The following XXYLT1 variants were observed in gnomAD, a reference collection of about 807,000 sequenced individuals.
The protein encoded by XXYLT1 is UDP-xylose:alpha-xyloside alpha-1,3-xylosyltransferase.
XXYLT1 carries 20 observed loss-of-function variants against 28.9 expected under a neutral mutation model. The ratio of observed to expected loss-of-function variants is 0.69; its 90% CI spans 0.49 to 1.00. The LOEUF is 1.00. Ranked by LOEUF, XXYLT1 falls within the 50% of genes least tolerant of loss-of-function variation. XXYLT1 has a pLI of 0.00. For synonymous variants in XXYLT1, 257 were observed against 253.8 expected, an observed-to-expected ratio of 1.01 and a Z score of -0.12; for missense variants, 542 against 560.1, an observed-to-expected ratio of 0.97 and a Z score of 0.33.
chr3:195,184,773 T>C (rs1426570794), intron 2 of XXYLT1: 6 of 985,300 alleles, frequency 6.1e-6, no homozygotes, highest in Non-Finnish European at 7.2e-6. Context: ...GAACTTAGCA[T>C]TCTGAAAGAA....
At chr3:195,153,114 C>G (rs947693554) in intron 3 of XXYLT1, among the ~76,000 whole-genome samples, 1 of 152,196 alleles carries the variant, frequency 6.6e-6, no homozygotes, top group Non-Finnish European at 1.5e-5. Context: ...GCTGCGCTGT[C>G]CCTGCTTCCT....
At chr3:195,185,135 AAGGAAGG>A (rs1722136522) in intron 2 of XXYLT1, among the ~76,000 whole-genome samples, 1 of 150,082 alleles carries the variant, frequency 6.7e-6, no homozygotes, top group Non-Finnish European at 1.5e-5. Context: ...GGAAGGAAGG[AAGGAAGG>A]AAGGAAGGAA....
At chr3:195,156,313 TA>T in intron 3 of XXYLT1, 135 bp downstream of exon 3, 1 of 1,429,218 alleles carries the variant, frequency 7.0e-7, no homozygotes, top group Non-Finnish European at 9.4e-7. Flanking sequence ...AAGCAATAAG[TA>T]CCAATGTGTT....
intron 1 of XXYLT1, among the ~76,000 whole-genome samples, chr3:195,234,980 AG>A (rs1396191416): frequency 2.0e-5 from 3 of 149,710 alleles, no homozygotes; most frequent in African/African-American, 7.4e-5. Context: ...TCCTCTTTAA[AG>A]CCAGTAACTC....
chr3:195,132,539 A>AGTT (rs1718955778), intron 3 of XXYLT1, among the ~76,000 whole-genome samples: 2 of 152,200 alleles, frequency 1.3e-5, no homozygotes, highest in South Asian at 4.1e-4. Flanking sequence ...ATTAAGCAGC[A>AGTT]GTTGTTATTA....
chr3:195,111,481 T>C (rs1717711098), intron 3 of XXYLT1, among the ~76,000 whole-genome samples: 1 of 152,088 alleles, frequency 6.6e-6, no homozygotes, highest in South Asian at 2.1e-4. Flanking sequence ...AGGGTCTGGC[T>C]GGGCTGAGTG....
chr3:195,143,805 GATATAT>G (rs1471076073), intron 3 of XXYLT1, among the ~76,000 whole-genome samples: 4 of 52,994 alleles, frequency 7.5e-5, no homozygotes, highest in African/African-American at 2.9e-4. Flanking sequence ...TATATAGATA[GATATAT>G]ATAGATATAG....
At chr3:195,120,246 C>T (rs1718278475) in intron 3 of XXYLT1, among the ~76,000 whole-genome samples, 1 of 150,390 alleles carries the variant, frequency 6.6e-6, no homozygotes, top group Non-Finnish European at 1.5e-5. Context: ...CCTGGGGGTG[C>T]CCCTCCCAAC....
At chr3:195,241,494 A>G (rs976138625) in intron 1 of XXYLT1, among the ~76,000 whole-genome samples, 1 of 152,180 alleles carries the variant, frequency 6.6e-6, no homozygotes, top group African/African-American at 2.4e-5. Flanking sequence ...GAACTGGAGG[A>G]AAAATGACTT....
chr3:195,087,724 G>A (rs762850555), intron 3 of XXYLT1, among the ~76,000 whole-genome samples: 2 of 152,348 alleles, frequency 1.3e-5, no homozygotes, highest in African/African-American at 2.4e-5. Context: ...AGCTCCCAGC[G>A]TGAGCGACGC....
At chr3:195,106,672 C>CA (rs1377861296) in intron 3 of XXYLT1, among the ~76,000 whole-genome samples, 3 of 152,244 alleles carry the variant, frequency 2.0e-5, no homozygotes, top group Admixed American at 2.0e-4. Flanking sequence ...GGGGCGCCCC[C>CA]AGCAAAGAAG....
rs1165104056 is a variant in XXYLT1, at chr3:195,115,366, G to C, written c.785+41083C>G. Among the ~76,000 whole-genome samples the C allele has an allele frequency of 6.6e-6, 1 of 152,182 alleles. No individual in the cohort carries two copies. The highest frequency in any genetic ancestry group is 6.5e-5 in the Admixed American group (1 of 15,282). On this transcript the variant is annotated intron_variant, in intron 3 of 3. Transcript: ENST00000310380. This position sits in a 1 kb window ranked among gnomAD's most constrained non-coding sequence, Gnocchi z 4.2. ...ACTGTTCATCCTTCAGCCTCCTAGA[G>C]AGTCCAGGAATGGCTGTGGGCTGGC...
chr3:195,089,687 A>C lies in XXYLT1; in HGVS notation c.786-19576T>G, dbSNP rs1393405056. On this transcript the variant is annotated intron_variant, in intron 3 of 3. Transcript: ENST00000310380. The stretch of plus-strand genomic sequence containing the variant: ...ATTCACACATAACAATATTAACTTT[A>C]AATGTAAATGGACTAAATGCTCCAA... Among the ~76,000 whole-genome samples the C allele has an allele frequency of 5.9e-5, 9 of 152,100 alleles. No homozygotes were observed. The East Asian group carries it at 1.7e-3, about 29-fold the overall frequency.
At chr3:195,228,263 C>T (rs137870725) in intron 1 of XXYLT1, among the ~76,000 whole-genome samples, 68 of 148,334 alleles carry the variant, frequency 4.6e-4, no homozygotes, top group Non-Finnish European at 5.1e-4. Flanking sequence ...GCCCTGTTTA[C>T]ACTGTCACTT....
chr3:195,109,336 C>T (rs1467010845), intron 3 of XXYLT1, among the ~76,000 whole-genome samples: 6 of 147,426 alleles, frequency 4.1e-5, no homozygotes, highest in East Asian at 1.9e-4. Flanking sequence ...AAGCCAGCAG[C>T]GTGTGTGTGC....
intron 2 of XXYLT1, among the ~76,000 whole-genome samples, chr3:195,184,441 G>A (rs1017469086): frequency 3.3e-5 from 5 of 152,122 alleles, no homozygotes; most frequent in Non-Finnish European, 5.9e-5. Context: ...TCTTTAAACC[G>A]AAAACATGAT....
At chr3:195,205,672 G>A (rs1465576342) in intron 2 of XXYLT1, among the ~76,000 whole-genome samples, 1 of 152,186 alleles carries the variant, frequency 6.6e-6, no homozygotes, top group Non-Finnish European at 1.5e-5. Flanking sequence ...AAACCAGCCT[G>A]GGTAACATGA....
At chr3:195,094,055 C>G (rs1218415484) in intron 3 of XXYLT1, 1 of 156,410 alleles carries the variant, frequency 6.4e-6, no homozygotes, top group Non-Finnish European at 1.4e-5. Flanking sequence ...CTTCCTCCTC[C>G]CTGTGTGGAA....
intron 2 of XXYLT1, among the ~76,000 whole-genome samples, chr3:195,212,238 G>C (rs1423962663): frequency 6.6e-6 from 1 of 152,222 alleles, no homozygotes; most frequent in Admixed American, 6.5e-5. Flanking sequence ...GGTAGGGTGA[G>C]TGACAGCACA....
Sources: allele counts gnomAD v4.1 joint callset (sites outside exome capture counted in the v4.1 genomes callset), GRCh38; gene constraint gnomAD v4.1.1; non-coding constraint Gnocchi (gnomAD v3.1); transcripts MANE v1.5; gene names NCBI Gene and HGNC (gene_info 2026-07-23, HGNC 2026-07-21).